The following DMP1 variants were observed in gnomAD, a reference collection of about 807,000 sequenced individuals.
DMP1 encodes the protein dentin matrix protein 1.
Under a neutral mutation model 14.6 loss-of-function variants are expected in DMP1, and 20 were observed. That is an observed-to-expected ratio of 1.37 (90% confidence interval 0.96 to 1.99). DMP1 has a LOEUF of 1.99. DMP1 is among the 30% of genes most tolerant of loss of function. The pLI is 0.00. For missense variants in DMP1, 567 were observed against 620.5 expected, an observed-to-expected ratio of 0.91 and a Z score of 0.92; for synonymous variants, 197 against 215.3, an observed-to-expected ratio of 0.91 and a Z score of 0.75.
intron 1 of DMP1, among the ~76,000 whole-genome samples, chr4:87,654,951 G>C (rs1728644032): frequency 6.6e-6 from 1 of 152,082 alleles, no homozygotes; most frequent in African/African-American, 2.4e-5. Flanking sequence ...AAGATCTCAG[G>C]GCCCACAGGA....
intron 1 of DMP1, among the ~76,000 whole-genome samples, chr4:87,653,216 T>C (rs1475612594): frequency 5.3e-5 from 8 of 151,130 alleles, no homozygotes; most frequent in Non-Finnish European, 8.9e-5. Context: ...ATAATATACA[T>C]GAGAGGTTGT....
intron 1 of DMP1, among the ~76,000 whole-genome samples, chr4:87,652,144 G>A (rs1728543592): frequency 6.6e-6 from 1 of 152,024 alleles, no homozygotes; most frequent in African/African-American, 2.4e-5. Context: ...ATTTCCTTTT[G>A]TTACGTCATC....
In DMP1 at chr4:87,662,066, A is replaced by G. The variant is rs1578155346; in HGVS notation, c.288A>G (p.Gly96=). The G allele has an allele frequency of 6.2e-7, 1 of 1,614,058 alleles. No individual in the cohort carries two copies. Residue 96 remains glycine, a synonymous_variant, in exon 6 of 6, where the codon GGA becomes GGG. Coordinates refer to ENST00000339673, the MANE Select transcript of DMP1 (RefSeq NM_004407.4). ...CTGGTGGCTTCTCCAGGAGCACAGG[A>G]AAAGGAGGAGATGATAAAGATGACG... ...RLAGGFSRST[G]KGGDDKDDDE...
Position 87,662,003 on chromosome 4 carries a change from C to T in DMP1, c.225C>T (p.Gly75=). 1 of 1,614,168 alleles carries T rather than the reference C, an allele frequency of 6.2e-7. No individual in the cohort carries two copies. The highest frequency in any genetic ancestry group is 8.5e-7 in the Non-Finnish European group (1 of 1,180,032). ...GTGACAGCACTCAGTCAGAGGAGGG[C>T]CTGGGCTCTGATGATCATCAATACA... ...DPSDSTQSEE[G]LGSDDHQYIY... is the part of the protein sequence containing the mutation. Residue 75 remains glycine (G), a synonymous_variant, in exon 6 of 6, where the codon GGC becomes GGT. Transcript: ENST00000339673.
intron 1 of DMP1, among the ~76,000 whole-genome samples, chr4:87,656,123 C>T (rs1209466501): frequency 6.6e-6 from 1 of 152,170 alleles, no homozygotes; most frequent in Non-Finnish European, 1.5e-5. Flanking sequence ...CACCCCTCAA[C>T]CTCCCATCTG....
intron 5 of DMP1, among the ~76,000 whole-genome samples, chr4:87,660,118 G>A (rs1728818140): frequency 6.6e-6 from 1 of 152,198 alleles, no homozygotes; most frequent in Non-Finnish European, 1.5e-5. Flanking sequence ...TGGGGCTCCA[G>A]AGAGTCCAGG....
chr4:87,664,135 G>A lies in DMP1; in HGVS notation c.*815G>A, dbSNP rs1401982505. ...CACTGGTGATGATAAGAAGGATTGG[G>A]TCAGGAAGAGTGGGAGAAAGAAATT... On this transcript the variant is annotated 3_prime_UTR_variant, in exon 6 of 6. Coordinates refer to ENST00000339673, the MANE Select transcript of DMP1 (RefSeq NM_004407.4). The A allele has an allele frequency of 6.6e-6, 1 of 152,146 alleles. No individual in the cohort carries two copies. Among genetic ancestry groups the A allele is most frequent in the Non-Finnish European group, 1.5e-5 (1 of 67,994 alleles). 9.4% of individuals were successfully genotyped at this position (152,146 alleles called of 1,614,324 possible). A position where few individuals can be genotyped will look rare whatever the true frequency, so the allele number is the denominator to read the frequency against.
intron 1 of DMP1, among the ~76,000 whole-genome samples, chr4:87,655,780 C>T (rs956782124): frequency 6.6e-6 from 1 of 151,986 alleles, no homozygotes; most frequent in African/African-American, 2.4e-5. Context: ...AATACATTTG[C>T]TAGGGTGCTC....
intron 3 of DMP1, chr4:87,659,004 G>A: frequency 1.7e-6 from 1 of 603,134 alleles, no homozygotes; most frequent in South Asian, 2.2e-5. Flanking sequence ...TATAAACATT[G>A]TCTAGGTCTC....
At chr4:87,654,416 A>G (rs746980031) in intron 1 of DMP1, among the ~76,000 whole-genome samples, 3 of 152,138 alleles carry the variant, frequency 2.0e-5, no homozygotes, top group Non-Finnish European at 4.4e-5. Flanking sequence ...ATTATGGAGT[A>G]TTGTTTTCTG....
intron 1 of DMP1, among the ~76,000 whole-genome samples, chr4:87,653,730 T>C (rs1728601179): frequency 6.6e-6 from 1 of 152,116 alleles, no homozygotes; most frequent in African/African-American, 2.4e-5. Context: ...TTTAAAACTC[T>C]TCCCAGTTGA....
intron 3 of DMP1, 60 bp from the exon 4 acceptor site, chr4:87,659,160 A>G: frequency 6.6e-7 from 1 of 1,524,048 alleles, no homozygotes; most frequent in Non-Finnish European, 9.1e-7. Context: ...GTAAATAATT[A>G]CAATAATGAA....
At chr4:87,656,219 A>G (rs1241809790) in intron 1 of DMP1, among the ~76,000 whole-genome samples, 2 of 152,196 alleles carry the variant, frequency 1.3e-5, no homozygotes, top group Non-Finnish European at 1.5e-5. Flanking sequence ...AATCATTCCA[A>G]TGTGGCCTTT....
rs149246035 is a variant in DMP1, at chr4:87,650,712, G to A, written c.-22+328G>A. Reference sequence around the variant, plus strand: ...GAAATTTAGTTTTAATTAGCAAAACGTATAAAACTTTTACAGTGTGTTTCA... The same window carrying A: ...GAAATTTAGTTTTAATTAGCAAAACATATAAAACTTTTACAGTGTGTTTCA... On this transcript the variant is annotated intron_variant, in intron 1 of 5. Coordinates refer to ENST00000339673, the MANE Select transcript of DMP1 (RefSeq NM_004407.4). 6.5e-3 allele frequency among the ~76,000 whole-genome samples: 988 copies of A among 152,214 alleles called. 8 individuals carry two copies. Among genetic ancestry groups the A allele is most frequent in the South Asian group, 0.013 (64 of 4,822 alleles).
rs1728963650 is a variant in DMP1, at chr4:87,662,977, G to A, written c.1199G>A (p.Arg400Lys). The A allele has an allele frequency of 6.2e-7, 1 of 1,614,092 alleles. No individual in the cohort carries two copies. Reference protein sequence around the residue: ...HTLSHSKSESREEQADSESSE... With the variant: ...HTLSHSKSESKEEQADSESSE... ...CTCTCCCACTCAAAAAGTGAATCCAGAGAGGAGCAAGCAGACAGCGAATCC... is the reference window on the plus strand; with the variant it reads ...CTCTCCCACTCAAAAAGTGAATCCAAAGAGGAGCAAGCAGACAGCGAATCC... The change falls in exon 6 of 6, where the codon AGA becomes AAA. Residue 400 changes from arginine (R) to lysine (K), a missense_variant. Coordinates refer to ENST00000339673, the MANE Select transcript of DMP1 (RefSeq NM_004407.4).
Position 87,662,885 on chromosome 4 carries a change from C to T in DMP1, c.1107C>T (p.Asp369=), listed in dbSNP as rs147451774. ...VVSESRGDNP[D]PTTSYVEDQE... is the part of the protein sequence containing the mutation. ...GTGAGTCCAGGGGAGATAACCCCGA[C>T]CCCACAACTAGTTATGTAGAAGACC... Residue 369 remains aspartate (D), a synonymous_variant, in exon 6 of 6, where the codon GAC becomes GAT. Transcript: ENST00000339673. The T allele has an allele frequency of 5.1e-4, 817 of 1,614,186 alleles. 2 individuals carry two copies. The highest frequency in any genetic ancestry group is 4.3e-4 in the Non-Finnish European group (512 of 1,180,032).
At chr4:87,655,528 TCACAGTAGATA>T (rs34207053) in intron 1 of DMP1, among the ~76,000 whole-genome samples, 42,459 of 151,880 alleles carry the variant, frequency 0.28, 6,174 homozygotes, top group East Asian at 0.42. Context: ...ACTAAACGTG[TCACAGTAGATA>T]TTAAGAGCTT....
Position 87,663,519 on chromosome 4 carries a change from C to T in DMP1, c.*199C>T, listed in dbSNP as rs1728995571. 1.4e-6 allele frequency: 1 copy of T among 727,550 alleles called. No individual in the cohort carries two copies. The highest frequency in any genetic ancestry group is 1.8e-5 in the African/African-American group (1 of 56,338). 45.1% of individuals were successfully genotyped at this position (727,550 alleles called of 1,614,324 possible). ...GAGGTTTAAATACTGTGGAGTGACA[C>T]CAGAACACAGCCAAAGAGGCTAGAA... On this transcript the variant is annotated 3_prime_UTR_variant, in exon 6 of 6. Transcript: ENST00000339673.
chr4:87,662,411 C>A lies in DMP1; in HGVS notation c.633C>A (p.Asp211Glu). Residue 211 changes from aspartate to glutamate, a missense_variant, in exon 6 of 6, where the codon GAC (aspartate) becomes GAA (glutamate). Physicochemically the swap from Asp to Glu is conservative, Grantham distance 45. Coordinates refer to ENST00000339673, the MANE Select transcript of DMP1 (RefSeq NM_004407.4). The stretch of plus-strand genomic sequence containing the variant: ...GCCATGGAGACGGCTCCGAGTTGGA[C>A]GATGAGGGAATGCAGAGTGATGACC... The part of the protein sequence containing the change: ...ESSHGDGSEL[D>E]DEGMQSDDPE... 2 of 1,613,984 alleles carry A rather than the reference C, an allele frequency of 1.2e-6. No homozygotes were observed. Among genetic ancestry groups the A allele is most frequent in the Non-Finnish European group, 1.7e-6 (2 of 1,180,010 alleles).
Sources: gnomAD v4.1 joint callset for allele counts (sites outside exome capture counted in the v4.1 genomes callset) on GRCh38, gnomAD v4.1.1 for gene constraint, MANE v1.5 for transcripts, NCBI Gene and HGNC (gene_info 2026-07-23, HGNC 2026-07-21) for gene names.